MYO16: variants seen among roughly 807,000 people sequenced by gnomAD.
MYO16 encodes unconventional myosin-XVI.
In MYO16, 94 loss-of-function variants were observed where a neutral mutation model predicts 205.3. That is an observed-to-expected ratio of 0.46 (90% CI 0.39 to 0.54). The LOEUF is 0.54. MYO16 is among the 20% of genes least tolerant of loss of function. The pLI is 0.00. For missense variants in MYO16, 2,315 were observed against 2,387.5 expected, an observed-to-expected ratio of 0.97 and a Z score of 0.63; for synonymous variants, 988 against 954.0, an observed-to-expected ratio of 1.04 and a Z score of -0.66.
the MYO16 span, among the ~76,000 whole-genome samples, chr13:108,588,900 A>G: frequency 6.0e-3 from 915 of 151,906 alleles, 14 homozygotes; most frequent in African/African-American, 0.021. Flanking sequence ...TTGGGGGCTG[A>G]TTTTTACTGC....
chr13:108,563,647 C>A, the MYO16 span, among the ~76,000 whole-genome samples: 1 of 152,144 alleles, frequency 6.6e-6, no homozygotes, highest in African/African-American at 2.4e-5. Flanking sequence ...CACTTCCATC[C>A]ATGTTGTTGC....
At chr13:108,554,848 T>TAAAAAAAAAAA in the MYO16 span, among the ~76,000 whole-genome samples, 3 of 77,968 alleles carry the variant, frequency 3.8e-5, no homozygotes, top group Admixed American at 1.8e-4. Context: ...AGACTCTGAC[T>TAAAAAAAAAAA]AAAAAAAAAA....
In MYO16 at chr13:109,148,781, G is replaced by C. The variant is rs555083469; in HGVS notation, c.5164+7405G>C. ...CATTTTCTGCAGCCAGAAGAAGAAA[G>C]AGGTAAATGCCTGAGAGAATCTGAG... On this transcript the variant is annotated intron_variant, in intron 32 of 34. Transcript: ENST00000457511. Among the ~76,000 whole-genome samples the C allele has an allele frequency of 2.0e-5, 3 of 152,338 alleles. No homozygotes were observed. The East Asian group carries it at 5.8e-4, about 29-fold the overall frequency.
At chr13:108,525,846 C>G in the MYO16 span, among the ~76,000 whole-genome samples, 1 of 152,140 alleles carries the variant, frequency 6.6e-6, no homozygotes, top group Non-Finnish European at 1.5e-5. Context: ...TTAACTTTTA[C>G]TCATTTTACA....
At chr13:108,739,239 T>G (rs1884816486) in intron 4 of MYO16, among the ~76,000 whole-genome samples, 1 of 152,214 alleles carries the variant, frequency 6.6e-6, no homozygotes, top group Non-Finnish European at 1.5e-5. Context: ...ATCGATGGTC[T>G]TTACATTTTG....
At chr13:108,553,458 C>G in the MYO16 span, among the ~76,000 whole-genome samples, 2 of 152,196 alleles carry the variant, frequency 1.3e-5, no homozygotes, top group Non-Finnish European at 2.9e-5. Flanking sequence ...CCCTACCAGT[C>G]TGGATGAGAA....
intron 27 of MYO16, among the ~76,000 whole-genome samples, chr13:109,069,303 T>C (rs277851): frequency 1 from 152,179 of 152,300 alleles, 76,029 homozygotes; most frequent in Middle Eastern, 1. Flanking sequence ...TCCAAAATTT[T>C]GTATGCATAA....
chr13:109,108,932 G>A (rs539773218), intron 28 of MYO16, among the ~76,000 whole-genome samples: 1 of 152,156 alleles, frequency 6.6e-6, no homozygotes, highest in Non-Finnish European at 1.5e-5. Context: ...AGATGAGAAC[G>A]GGAGACAGGG....
chr13:108,699,449 A>G (rs1883216675), intron 2 of MYO16, among the ~76,000 whole-genome samples: 1 of 152,162 alleles, frequency 6.6e-6, no homozygotes, highest in African/African-American at 2.4e-5. Flanking sequence ...TGGCATAAAA[A>G]AGAGCATTTT....
chr13:108,924,456 C>G (rs1881889548), intron 16 of MYO16, among the ~76,000 whole-genome samples: 1 of 152,180 alleles, frequency 6.6e-6, no homozygotes, highest in Non-Finnish European at 1.5e-5. Context: ...GGGAGCCACC[C>G]TCACCCCGTG....
At chr13:108,785,516 G>A (rs56186949) in intron 4 of MYO16, 119 bp from the exon 5 acceptor site, 1 of 509,118 alleles carries the variant, frequency 2.0e-6, no homozygotes, top group East Asian at 3.1e-5. Context: ...ATTCTTCAGG[G>A]TGATATCTAC....
chr13:108,848,802 G>A (rs115755939), intron 10 of MYO16, among the ~76,000 whole-genome samples: 2,002 of 152,266 alleles, frequency 0.013, 54 homozygotes, highest in African/African-American at 0.045. Context: ...ACTATAAAGT[G>A]CGAGCCTGTC....
chr13:108,643,816 A>G (rs1384048428), intron 1 of MYO16, among the ~76,000 whole-genome samples: 1 of 152,198 alleles, frequency 6.6e-6, no homozygotes, highest in Non-Finnish European at 1.5e-5. Context: ...TGCCTCAGGT[A>G]AACACTTAAA....
At chr13:108,574,708 T>TGTGTGTGTGTGCGC in the MYO16 span, among the ~76,000 whole-genome samples, 27 of 81,782 alleles carry the variant, frequency 3.3e-4, no homozygotes, top group African/African-American at 1.1e-3. Flanking sequence ...TGTGTGTGTG[T>TGTGTGTGTGTGCGC]GCGCTTGTGT....
intron 27 of MYO16, among the ~76,000 whole-genome samples, chr13:109,063,268 A>G (rs1160468634): frequency 2.0e-5 from 3 of 152,184 alleles, no homozygotes; most frequent in African/African-American, 7.2e-5. Context: ...TTAAATATAG[A>G]AAAGTATGCT....
intron 4 of MYO16, among the ~76,000 whole-genome samples, chr13:108,739,470 T>A (rs948816909): frequency 1.1e-4 from 17 of 152,234 alleles, no homozygotes; most frequent in Non-Finnish European, 1.8e-4. Context: ...TGGCCCCCAC[T>A]CTCTTCTGAC....
chr13:109,064,006 C>A (rs1208257879), intron 27 of MYO16, among the ~76,000 whole-genome samples: 1 of 152,086 alleles, frequency 6.6e-6, no homozygotes, highest in Non-Finnish European at 1.5e-5. Flanking sequence ...TTATCATATG[C>A]CTATTAGATC....
At chr13:108,911,844 G>A (rs1234440892) in intron 16 of MYO16, among the ~76,000 whole-genome samples, 3 of 152,200 alleles carry the variant, frequency 2.0e-5, no homozygotes, top group Non-Finnish European at 2.9e-5. Context: ...CTGAAGGTAG[G>A]AAGGTCAGGA....
chr13:109,033,393 A>G (rs746559940), intron 23 of MYO16, among the ~76,000 whole-genome samples: 8 of 152,148 alleles, frequency 5.3e-5, no homozygotes, highest in Admixed American at 1.3e-4. Flanking sequence ...GTCGTCCCAC[A>G]TTATTCTCTT....
Sources: allele counts gnomAD v4.1 joint callset (sites outside exome capture counted in the v4.1 genomes callset), GRCh38; gene constraint gnomAD v4.1.1; transcripts MANE v1.5; gene names NCBI Gene and HGNC (gene_info 2026-07-23, HGNC 2026-07-21).